The following HLA-DPA1 variants were observed in gnomAD, a reference collection of about 807,000 sequenced individuals.
The protein encoded by HLA-DPA1 is major histocompatibility complex, class II, DP alpha 1, also known as HLA class II histocompatibility antigen, DP alpha 1 chain.
In HLA-DPA1, 20 loss-of-function variants were observed where a neutral mutation model predicts 21.5. That is an observed-to-expected ratio of 0.93 (90% confidence interval 0.66 to 1.35). The LOEUF (loss-of-function observed/expected upper bound fraction) is 1.35. Ranked by LOEUF, HLA-DPA1 falls within the 40% of genes most tolerant of loss-of-function variation. HLA-DPA1 has a pLI of 0.00. For synonymous variants in HLA-DPA1, 123 were observed against 129.6 expected (o/e 0.95, Z 0.35); for missense variants, 279 against 323.0 (o/e 0.86, Z 1.05).
At chr6:33,078,331 A>T (rs1342675450) in intron 1 of HLA-DPA1, among the ~76,000 whole-genome samples, 1 of 152,154 alleles carries the variant, frequency 6.6e-6, no homozygotes, top group African/African-American at 2.4e-5. Context: ...CTGGAGCCAT[A>T]GGGGAGTGGG....
At chr6:33,068,646 T>A (rs1291582949) in exon 5 of HLA-DPA1, 2 of 1,610,426 alleles carry the variant, frequency 1.2e-6, no homozygotes, top group Admixed American at 3.4e-5. Flanking sequence ...ACCTTTACAG[T>A]ATTTCACAGG....
At position 33,080,528 on chromosome 6, in the gene HLA-DPA1, G is replaced by GAA. The variant is rs1255064994; in HGVS notation, c.-100+150_-100+151dup. 1 of 1,214,698 alleles carries GAA rather than the reference G, an allele frequency of 8.2e-7. No homozygotes were observed. Among genetic ancestry groups the GAA allele is most frequent in the Non-Finnish European group, 1.2e-6 (1 of 840,142 alleles). The allele number at this position is 1,214,698 out of a possible 1,614,324, so 75.2% of individuals were successfully genotyped here. ...GCTCTGCGACCCGCTTAGGACCACA[G>GAA]AACTCGGTACTAGGAAAACTCCTAT... On this transcript the variant is annotated intron_variant, in intron 1 of 5. Coordinates refer to ENST00000419277, the Ensembl canonical transcript of HLA-DPA1. This position sits in a 1 kb window ranked among gnomAD's most constrained non-coding sequence, Gnocchi z 4.3.
At chr6:33,076,264 C>G (rs1260998283) in intron 1 of HLA-DPA1, 2 of 650,690 alleles carry the variant, frequency 3.1e-6, no homozygotes, top group Non-Finnish European at 2.7e-6. Context: ...GCAGTGTCCT[C>G]TCTTCCCAGC....
chr6:33,073,411 AATTGATGTGAACCACCCC>A (rs78710918), intron 2 of HLA-DPA1, 42 bp downstream of exon 1: 152,793 of 1,088,022 alleles, frequency 0.14, 11,994 homozygotes, highest in Admixed American at 0.34. Context: ...CTGAAGCAGC[AATTGATGTGAACCACCCC>A]ATCACTCACC....
intron 1 of HLA-DPA1, among the ~76,000 whole-genome samples, chr6:33,078,746 A>T (rs558336509): frequency 1.3e-5 from 2 of 152,232 alleles, no homozygotes; most frequent in Non-Finnish European, 2.9e-5. Context: ...GACTGGGTAA[A>T]TTAAAAAAAT....
In HLA-DPA1 at chr6:33,073,641, G is replaced by C. The variant is rs1762402899; in HGVS notation, c.-71C>G. On this transcript the variant is annotated 5_prime_UTR_variant, in exon 2 of 6. It adds an upstream start codon to the 5' untranslated region. Transcript: ENST00000419277. ...GAGGAACTGAGGCCGAGTGGAGGCA[G>C]ATGAGACTGAAACTGTGGGCCTCTA... 1 of 1,062,370 alleles carries C rather than the reference G, an allele frequency of 9.4e-7. No individual in the cohort carries two copies. Among genetic ancestry groups the C allele is most frequent in the Non-Finnish European group, 1.5e-6 (1 of 684,010 alleles). The allele number at this position is 1,062,370 out of a possible 1,614,324, so 65.8% of individuals were successfully genotyped here. A position where few individuals can be genotyped will look rare whatever the true frequency, so the allele number is the denominator to read the frequency against.
rs1232223770 is a variant in HLA-DPA1 at position 33,080,025 on chromosome 6, T to C, written c.-100+655A>G. Among the ~76,000 whole-genome samples, 2 of 152,236 alleles carry C rather than the reference T, an allele frequency of 1.3e-5. No individual in the cohort carries two copies. Among genetic ancestry groups the C allele is most frequent in the Non-Finnish European group, 1.5e-5 (1 of 68,038 alleles). ...TCCACATCTTTTGACACCAAGTCTT[T>C]CTGCAGCCATGTTTGAAAATTAACT... On this transcript the variant is annotated intron_variant, in intron 1 of 5. Coordinates refer to ENST00000419277, the Ensembl canonical transcript of HLA-DPA1. This position sits in a 1 kb window ranked among gnomAD's most constrained non-coding sequence, Gnocchi z 4.3.
chr6:33,066,767 C>G (rs151265035), intron 5 of HLA-DPA1: 1 of 152,176 alleles, frequency 6.6e-6, no homozygotes, highest in Non-Finnish European at 1.5e-5. Context: ...TGAATGTGAA[C>G]AGGCAATTTA....
chr6:33,073,019 GAT>G (rs1487722921), intron 2 of HLA-DPA1, among the ~76,000 whole-genome samples: 1 of 152,172 alleles, frequency 6.6e-6, no homozygotes, highest in Non-Finnish European at 1.5e-5. Context: ...AGCCACAAAA[GAT>G]AGAGGCTGGG....
chr6:33,080,741 A>G (rs765041810), upstream of HLA-DPA1: 2 of 1,613,416 alleles, frequency 1.2e-6, no homozygotes, highest in South Asian at 1.1e-5. The surrounding 1 kb of genome is among the most constrained non-coding windows in gnomAD (Gnocchi z 4.3). Context: ...CTGGAGAGAT[A>G]CATCTACAAC....
chr6:33,077,257 T>C (rs1313391203), intron 1 of HLA-DPA1, among the ~76,000 whole-genome samples: 2 of 152,100 alleles, frequency 1.3e-5, no homozygotes, highest in Non-Finnish European at 2.9e-5. Flanking sequence ...ACTCATCCTT[T>C]TTTATGGCTG....
rs376702323 is a variant in HLA-DPA1 at position 33,077,323 on chromosome 6, G to A, written c.-100+3357C>T. On this transcript the variant is annotated intron_variant, in intron 1 of 5. Transcript: ENST00000419277. ...TTTCTTAATCCAGTCTATCACTGAT[G>A]GACAGTTGGGTTGGTTCCAAGTCTT... Among the ~76,000 whole-genome samples, 553 of 152,200 alleles carry A rather than the reference G, an allele frequency of 3.6e-3. 4 individuals carry two copies. Among genetic ancestry groups the A allele is most frequent in the East Asian group, 0.029 (148 of 5,176 alleles).
intron 2 of HLA-DPA1, among the ~76,000 whole-genome samples, chr6:33,070,641 A>C (rs1225848383): frequency 6.6e-6 from 1 of 152,226 alleles, no homozygotes; most frequent in Admixed American, 6.5e-5. Context: ...GGGGCATATA[A>C]ATTCAAAAGT....
At chr6:33,079,213 T>G (rs1762710820) in intron 1 of HLA-DPA1, among the ~76,000 whole-genome samples, 1 of 152,212 alleles carries the variant, frequency 6.6e-6, no homozygotes, top group Non-Finnish European at 1.5e-5. Flanking sequence ...CACAGCACCT[T>G]AATTTCCCCA....
At position 33,079,944 on chromosome 6, in the gene HLA-DPA1, ACT is replaced by A; in HGVS notation, c.-100+734_-100+735del. 3 of 236,254 alleles carry A rather than the reference ACT, an allele frequency of 1.3e-5. No individual in the cohort carries two copies. In the South Asian group the frequency reaches 1.5e-4, roughly 11 times the overall value. The allele number at this position is 236,254 out of a possible 1,614,324, so 14.6% of individuals were successfully genotyped here. On this transcript the variant is annotated intron_variant, in intron 1 of 5. Coordinates refer to ENST00000419277, the Ensembl canonical transcript of HLA-DPA1. ...ACATCAATGCCTCTAAACCCAAAGG[ACT>A]CTACCCCCACAGGTCCCTGGTTGTT...
chr6:33,068,336 A>C, intron 5 of HLA-DPA1: 4 of 251,134 alleles, frequency 1.6e-5, no homozygotes, highest in Non-Finnish European at 1.5e-5. Context: ...AGCTGTGGGA[A>C]CTTGATCAAA....
intron 1 of HLA-DPA1, chr6:33,076,191 C>T: frequency 7.9e-7 from 1 of 1,258,356 alleles, no homozygotes; most frequent in Non-Finnish European, 1.1e-6. Flanking sequence ...GGAACAATTC[C>T]TAGGGGACGT....
At position 33,080,548 on chromosome 6, in the gene HLA-DPA1, T is replaced by C. The variant is rs1161393857; in HGVS notation, c.-100+132A>G. 2 of 1,420,544 alleles carry C rather than the reference T, an allele frequency of 1.4e-6. No individual in the cohort carries two copies. Among genetic ancestry groups the C allele is most frequent in the Non-Finnish European group, 2.0e-6 (2 of 1,020,740 alleles). The allele number at this position is 1,420,544 out of a possible 1,614,324, so 88.0% of individuals were successfully genotyped here. A position where few individuals can be genotyped will look rare whatever the true frequency, so the allele number is the denominator to read the frequency against. On this transcript the variant is annotated intron_variant, in intron 1 of 5. Transcript: ENST00000419277. The surrounding 1 kb of genome is among the most constrained non-coding windows in gnomAD (Gnocchi z 4.3). ...CCACAGAACTCGGTACTAGGAAAAC[T>C]CCTATTTTAAAATCCAGCCCTGGGT... is the stretch of plus-strand genomic sequence containing the variant.
At chr6:33,080,733 G>A (rs746588116), upstream of HLA-DPA1, 1 of 1,613,594 alleles carries the variant, frequency 6.2e-7, no homozygotes, top group Admixed American at 1.7e-5. The surrounding 1 kb of genome is among the most constrained non-coding windows in gnomAD (Gnocchi z 4.3). Flanking sequence ...AGCGCTTCCT[G>A]GAGAGATACA....
Sources: allele counts gnomAD v4.1 joint callset (sites outside exome capture counted in the v4.1 genomes callset), GRCh38; gene constraint gnomAD v4.1.1; non-coding constraint Gnocchi (gnomAD v3.1); transcripts MANE v1.5; gene names NCBI Gene and HGNC (gene_info 2026-07-23, HGNC 2026-07-21).